The following CDC42EP3 variants were observed in gnomAD, a reference collection of about 807,000 sequenced individuals.
CDC42EP3 encodes the protein CDC42 effector protein (Rho GTPase binding) 3.
Under a neutral mutation model 15.5 loss-of-function variants are expected in CDC42EP3, and 4 were observed. The ratio of observed to expected loss-of-function variants is 0.26; its 90% CI spans 0.13 to 0.59. The LOEUF (loss-of-function observed/expected upper bound fraction) is 0.59, where lower values mean the gene tolerates loss of function less well. Among genes scored for constraint, CDC42EP3 ranks in the 20% least tolerant of loss-of-function variants. The pLI, the probability that CDC42EP3 is intolerant of heterozygous loss-of-function variation, is 0.89. For missense variants in CDC42EP3, 309 were observed against 311.2 expected, an observed-to-expected ratio of 0.99 and a Z score of 0.05; for synonymous variants, 145 against 130.3, an observed-to-expected ratio of 1.11 and a Z score of -0.77.
chr2:37,645,106 A>G lies in CDC42EP3; in HGVS notation c.*717T>C, dbSNP rs552244487. The G allele has an allele frequency of 2.0e-5, 3 of 152,610 alleles. No homozygotes were observed. The highest frequency in any genetic ancestry group is 4.1e-4 in the South Asian group (2 of 4,828). 9.5% of individuals were successfully genotyped at this position (152,610 alleles called of 1,614,324 possible). A position where few individuals can be genotyped will look rare whatever the true frequency, so the allele number is the denominator to read the frequency against. ...AGCTTACAATGGAATCCCAATGGAAATAAGTGACAACATCTGATGTAGAAT... is the reference window on the plus strand; with the variant it reads ...AGCTTACAATGGAATCCCAATGGAAGTAAGTGACAACATCTGATGTAGAAT... On this transcript the variant is annotated 3_prime_UTR_variant, in exon 2 of 2. Transcript: ENST00000295324.
Position 37,643,259 on chromosome 2 carries a change from C to G in CDC42EP3, c.*2564G>C, listed in dbSNP as rs1252991483. The G allele has an allele frequency of 1.3e-5, 2 of 152,202 alleles. No individual in the cohort carries two copies. The highest frequency in any genetic ancestry group is 4.8e-5 in the African/African-American group (2 of 41,434). 9.4% of individuals were successfully genotyped at this position (152,202 alleles called of 1,614,324 possible). On this transcript the variant is annotated 3_prime_UTR_variant, in exon 2 of 2. Coordinates refer to ENST00000295324, the MANE Select transcript of CDC42EP3 (RefSeq NM_006449.5). ...GCAGGTATGGGTCTAAAGTGCCTCT[C>G]TGCAGGAAAGAAAGCCACCACCAGC...
intron 1 of CDC42EP3, among the ~76,000 whole-genome samples, chr2:37,666,399 C>T (rs1328861573): frequency 6.6e-6 from 1 of 152,204 alleles, no homozygotes; most frequent in Non-Finnish European, 1.5e-5. Context: ...TCGAGGTACA[C>T]TTTAGGCGGT....
intron 1 of CDC42EP3, among the ~76,000 whole-genome samples, chr2:37,652,999 T>C (rs1665737912): frequency 6.6e-6 from 1 of 152,220 alleles, no homozygotes; most frequent in Non-Finnish European, 1.5e-5. Context: ...CCACAATTAT[T>C]CCTGGTTTCT....
At chr2:37,654,852 A>C (rs540742882) in intron 1 of CDC42EP3, among the ~76,000 whole-genome samples, 1 of 152,352 alleles carries the variant, frequency 6.6e-6, no homozygotes, top group Admixed American at 6.5e-5. Flanking sequence ...GTGGACGCTC[A>C]TGTCAATCCT....
intron 1 of CDC42EP3, among the ~76,000 whole-genome samples, chr2:37,666,488 A>T (rs1384042741): frequency 3.9e-5 from 6 of 152,290 alleles, no homozygotes; most frequent in African/African-American, 1.2e-4. Context: ...GCTAATAATA[A>T]CTTTATCCAA....
chr2:37,654,215 G>A (rs563075222), intron 1 of CDC42EP3, among the ~76,000 whole-genome samples: 4 of 152,170 alleles, frequency 2.6e-5, no homozygotes, highest in Admixed American at 1.3e-4. Context: ...TGTGCCAAGC[G>A]CCCAGAACAT....
rs1665527101 is a variant in CDC42EP3, at chr2:37,647,874, G to A, written c.-235-1052C>T. The stretch of plus-strand genomic sequence containing the variant: ...GAAATGAAATCTGCCAACAATGTTG[G>A]GGAGCTTGGAAGTAGATCTTTTCCC... On this transcript the variant is annotated intron_variant, in intron 1 of 1. Coordinates refer to ENST00000295324, the MANE Select transcript of CDC42EP3 (RefSeq NM_006449.5). 3.9e-5 allele frequency among the ~76,000 whole-genome samples: 6 copies of A among 152,162 alleles called. No homozygotes were observed. In the South Asian group the frequency reaches 1.2e-3, roughly 32 times the overall value.
At chr2:37,656,251 T>G (rs1665842215) in intron 1 of CDC42EP3, among the ~76,000 whole-genome samples, 1 of 152,256 alleles carries the variant, frequency 6.6e-6, no homozygotes, top group South Asian at 2.1e-4. Context: ...CTTGCGTTAT[T>G]TGTATATGTG....
chr2:37,657,758 T>C (rs67084656), intron 1 of CDC42EP3, among the ~76,000 whole-genome samples: 48,976 of 152,034 alleles, frequency 0.32, 8,435 homozygotes, highest in East Asian at 0.59. Flanking sequence ...TTGTTCCCTA[T>C]GCGATATTTG....
chr2:37,645,906 T>C lies in CDC42EP3; in HGVS notation c.682A>G (p.Thr228Ala), dbSNP rs777029816. 5 of 1,610,850 alleles carry C rather than the reference T, an allele frequency of 3.1e-6. No homozygotes were observed. Among genetic ancestry groups the C allele is most frequent in the Non-Finnish European group, 3.4e-6 (4 of 1,178,500 alleles). Reference sequence around the variant, plus strand: ...AGCTGCAGGGAGAGGAGGGAACCTGTAAGGTCAGAGAGGGACTCCTCTGAC... The same window carrying C: ...AGCTGCAGGGAGAGGAGGGAACCTGCAAGGTCAGAGAGGGACTCCTCTGAC... The part of the protein sequence containing the change: ...TKSEESLSDL[T>A]GSLLSLQLDL... Residue 228 changes from threonine (T) to alanine (A), a missense_variant, in exon 2 of 2, where the codon ACA becomes GCA. Coordinates refer to ENST00000295324, the MANE Select transcript of CDC42EP3 (RefSeq NM_006449.5).
chr2:37,666,765 T>C (rs1666263068), intron 1 of CDC42EP3, among the ~76,000 whole-genome samples: 1 of 152,058 alleles, frequency 6.6e-6, no homozygotes, highest in Non-Finnish European at 1.5e-5. Context: ...CAGTCCATCA[T>C]CATGTGATTC....
rs78204934 is a variant in CDC42EP3, at chr2:37,665,842, G to T, written c.-236+5584C>A. On this transcript the variant is annotated intron_variant, in intron 1 of 1. Transcript: ENST00000295324. ...TAGTAGTAAGATAGCTATGCTAATA[G>T]GTGCCACTGATCCTGGCTCACTGTT... 3.4e-4 allele frequency among the ~76,000 whole-genome samples: 34 copies of T among 100,348 alleles called. No homozygotes were observed. The East Asian group carries it at 0.011, about 31-fold the overall frequency. The allele number at this position is 100,348 out of a possible 152,430, so 65.8% of individuals were successfully genotyped here. A position where few individuals can be genotyped will look rare whatever the true frequency, so the allele number is the denominator to read the frequency against.
rs9808575 is a variant in CDC42EP3 at position 37,642,658 on chromosome 2, C to G, written c.*3165G>C. On this transcript the variant is annotated 3_prime_UTR_variant, in exon 2 of 2. Transcript: ENST00000295324. Reference sequence around the variant, plus strand: ...AGGTTCCATATTAGGAGGATTAGAACTACATCACTCAATATTTTCTTTTGT... The same window carrying G: ...AGGTTCCATATTAGGAGGATTAGAAGTACATCACTCAATATTTTCTTTTGT... 225 of 152,260 alleles carry G rather than the reference C, an allele frequency of 1.5e-3. No homozygotes were observed. The highest frequency in any genetic ancestry group is 5.2e-3 in the African/African-American group (215 of 41,542). 9.4% of individuals were successfully genotyped at this position (152,260 alleles called of 1,614,324 possible).
At position 37,646,078 on chromosome 2, in the gene CDC42EP3, G is replaced by A. The variant is rs1195174669; in HGVS notation, c.510C>T (p.Thr170=). ...ATGCAGAACCGCTGGAGCCCCACGA[G>A]GTGTCTCCCTGGTGGACTGTCCCAT... is the stretch of plus-strand genomic sequence containing the variant. The part of the protein sequence containing the change: ...LENGTVHQGD[T]SWGSSGSASQ... The change falls in exon 2 of 2, where the codon ACC becomes ACT. Residue 170 remains threonine, a synonymous_variant. Transcript: ENST00000295324. The A allele has an allele frequency of 6.2e-7, 1 of 1,614,198 alleles. No homozygotes were observed. The highest frequency in any genetic ancestry group is 1.7e-5 in the Admixed American group (1 of 60,028).
intron 1 of CDC42EP3, among the ~76,000 whole-genome samples, chr2:37,671,118 T>C (rs1320198488): frequency 1.3e-5 from 2 of 152,200 alleles, no homozygotes; most frequent in African/African-American, 2.4e-5. Flanking sequence ...AAAAATGCTA[T>C]ACGCGCCCAG....
chr2:37,644,958 G>A lies in CDC42EP3; in HGVS notation c.*865C>T, dbSNP rs1248647996. The A allele has an allele frequency of 1.3e-5, 2 of 152,134 alleles. No individual in the cohort carries two copies. Among genetic ancestry groups the A allele is most frequent in the Non-Finnish European group, 2.9e-5 (2 of 68,034 alleles). The allele number at this position is 152,134 out of a possible 1,614,324, so 9.4% of individuals were successfully genotyped here. On this transcript the variant is annotated 3_prime_UTR_variant, in exon 2 of 2. Coordinates refer to ENST00000295324, the MANE Select transcript of CDC42EP3 (RefSeq NM_006449.5). The stretch of plus-strand genomic sequence containing the variant: ...GGTGTAGCCCACAGTCTCTGCAGAA[G>A]CATCATGAGTAACCTGTGCCTTTAC...
Position 37,644,506 on chromosome 2 carries a change from GAA to G in CDC42EP3, c.*1315_*1316del, listed in dbSNP as rs1371802355. 1 of 151,932 alleles carries G rather than the reference GAA, an allele frequency of 6.6e-6. No homozygotes were observed. Among genetic ancestry groups the G allele is most frequent in the Non-Finnish European group, 1.5e-5 (1 of 68,004 alleles). The allele number at this position is 151,932 out of a possible 1,614,324, so 9.4% of individuals were successfully genotyped here. Reference sequence around the variant, plus strand: ...CTCGTCTATATGGCACTTTCTGCGTGAAAAGACATTTGCCTTACAGGGATGAA... The same window carrying G: ...CTCGTCTATATGGCACTTTCTGCGTGAAGACATTTGCCTTACAGGGATGAA... On this transcript the variant is annotated 3_prime_UTR_variant, in exon 2 of 2. Coordinates refer to ENST00000295324, the MANE Select transcript of CDC42EP3 (RefSeq NM_006449.5).
intron 1 of CDC42EP3, among the ~76,000 whole-genome samples, chr2:37,663,897 G>A (rs1004363825): frequency 2.0e-5 from 3 of 152,150 alleles, no homozygotes; most frequent in African/African-American, 4.8e-5. Context: ...AGAGGAGGCC[G>A]GGCGCGGTGG....
upstream of CDC42EP3, among the ~76,000 whole-genome samples, chr2:37,672,750 C>T (rs1447130439): frequency 6.6e-6 from 1 of 152,150 alleles, no homozygotes; most frequent in Non-Finnish European, 1.5e-5. Context: ...GGGAGTCGGA[C>T]GCTGGGGGCC....
Sources: gnomAD v4.1 joint callset for allele counts (sites outside exome capture counted in the v4.1 genomes callset) on GRCh38, gnomAD v4.1.1 for gene constraint, MANE v1.5 for transcripts, NCBI Gene and HGNC (gene_info 2026-07-23, HGNC 2026-07-21) for gene names.